CEP192: variants seen among roughly 807,000 people sequenced by gnomAD.
CEP192 encodes the protein centrosomal protein of 192 kDa.
CEP192 carries 151 observed loss-of-function variants against 271.8 expected under a neutral mutation model. The observed-to-expected ratio is 0.56, with a 90% CI of 0.49 to 0.64. The LOEUF (loss-of-function observed/expected upper bound fraction) is 0.64, where lower values mean the gene tolerates loss of function less well. Among genes scored for constraint, CEP192 ranks in the 30% least tolerant of loss-of-function variants. CEP192 has a pLI of 0.00. For synonymous variants in CEP192, 995 were observed against 1,076.5 expected (o/e 0.92, Z 1.48); for missense variants, 2,910 against 3,020.5 (o/e 0.96, Z 0.86).
At chr18:13,059,448 T>C in intron 21 of CEP192, 136 bp downstream of exon 21, 1 of 639,786 alleles carries the variant, frequency 1.6e-6, no homozygotes, top group African/African-American at 1.8e-5. Context: ...ACTTTGGTTC[T>C]TAATATCTTT....
intron 36 of CEP192, among the ~76,000 whole-genome samples, chr18:13,098,446 T>G (rs375264457): frequency 5.4e-5 from 7 of 130,274 alleles, no homozygotes; most frequent in East Asian, 2.9e-4. Context: ...GGGCGGAGGG[T>G]CTCCTCACTT....
chr18:13,043,543 G>A (rs1039241434), intron 15 of CEP192, among the ~76,000 whole-genome samples: 5 of 152,198 alleles, frequency 3.3e-5, no homozygotes, highest in African/African-American at 1.2e-4. Flanking sequence ...ATCTGGAAGA[G>A]TAAATCCTCT....
intron 41 of CEP192, among the ~76,000 whole-genome samples, chr18:13,113,919 C>T (rs908354544): frequency 6.6e-6 from 1 of 152,104 alleles, no homozygotes; most frequent in Admixed American, 6.5e-5. Context: ...ATATAAGAAA[C>T]TCTGTGCGTG....
chr18:13,093,664 C>T (rs2039255070), intron 34 of CEP192, among the ~76,000 whole-genome samples: 1 of 152,228 alleles, frequency 6.6e-6, no homozygotes, highest in African/African-American at 2.4e-5. Flanking sequence ...TCATGTGCTA[C>T]ATGGCTTACC....
chr18:13,015,237 T>G, intron 5 of CEP192, 91 bp from the exon 6 acceptor site: 92 of 1,181,508 alleles, frequency 7.8e-5, no homozygotes, highest in Middle Eastern at 2.8e-4. Flanking sequence ...CAGTGGAGGT[T>G]GAGAACATAT....
intron 43 of CEP192, 145 bp downstream of exon 43, chr18:13,116,648 C>T (rs1436725967): frequency 5.5e-6 from 4 of 725,488 alleles, no homozygotes; most frequent in African/African-American, 1.9e-5. Flanking sequence ...GTCTCGCTGT[C>T]GCCCAGGCTG....
Position 13,087,604 on chromosome 18 carries a change from A to T in CEP192, c.5951A>T (p.Tyr1984Phe). 6.3e-7 allele frequency: 1 copy of T among 1,581,392 alleles called. No individual in the cohort carries two copies. The highest frequency in any genetic ancestry group is 8.6e-7 in the Non-Finnish European group (1 of 1,162,684). The change falls in exon 32 of 45, where the codon TAC (tyrosine) becomes TTC (phenylalanine). Residue 1984 changes from tyrosine to phenylalanine, a missense_variant. Tyr to Phe is a conservative substitution (Grantham distance 22, BLOSUM62 3). Transcript: ENST00000506447. ...ACTGCAACAGAACTATCAACTGTATACTTATTTGGTGGAGATGAAATTTCA... is the reference window on the plus strand; with the variant it reads ...ACTGCAACAGAACTATCAACTGTATTCTTATTTGGTGGAGATGAAATTTCA... Reference protein sequence around the residue: ...NKTATELSTVYLFGGDEISRQ... With the variant: ...NKTATELSTVFLFGGDEISRQ...
chr18:13,101,169 A>G (rs554854), intron 38 of CEP192, among the ~76,000 whole-genome samples: 103,909 of 152,082 alleles, frequency 0.68, 36,218 homozygotes, highest in African/African-American at 0.82. Flanking sequence ...AGTCAGCCGC[A>G]ATCACAAGGG....
At chr18:12,994,066 ATACT>A (rs2033058686) in intron 1 of CEP192, among the ~76,000 whole-genome samples, 1 of 152,232 alleles carries the variant, frequency 6.6e-6, no homozygotes, top group Non-Finnish European at 1.5e-5. Context: ...CGTTTCACAG[ATACT>A]TACTGAGTAC....
intron 38 of CEP192, among the ~76,000 whole-genome samples, chr18:13,101,109 C>T (rs1358744426): frequency 1.3e-5 from 2 of 152,350 alleles, no homozygotes; most frequent in African/African-American, 4.8e-5. Context: ...ACACAGGGTG[C>T]TGCACCCTCT....
chr18:13,048,660 GAAAAGGC>G lies in CEP192; in HGVS notation c.2068-197_2068-191del, dbSNP rs560759899. The stretch of plus-strand genomic sequence containing the variant: ...GAGTGATAAGTGCTTAGTTAAGATG[GAAAAGGC>G]ACTACATTTGTGGGTGGGGAAGATA... On this transcript the variant is annotated intron_variant, in intron 15 of 44. Coordinates refer to ENST00000506447, the MANE Select transcript of CEP192 (RefSeq NM_032142.4). Among the ~76,000 whole-genome samples the G allele has an allele frequency of 3.9e-5, 6 of 152,256 alleles. No individual in the cohort carries two copies. In the South Asian group the frequency reaches 1.0e-3, roughly 26 times the overall value.
At chr18:13,073,863 C>T (rs1304967993) in intron 30 of CEP192, among the ~76,000 whole-genome samples, 5 of 152,154 alleles carry the variant, frequency 3.3e-5, no homozygotes, top group East Asian at 3.8e-4. Flanking sequence ...TGTGAATTTG[C>T]GGGGGGACAT....
chr18:13,074,767 A>G (rs2038184654), intron 30 of CEP192, among the ~76,000 whole-genome samples: 1 of 152,220 alleles, frequency 6.6e-6, no homozygotes, highest in East Asian at 1.9e-4. Flanking sequence ...CTTTGTAAAG[A>G]TAAAGTAGCC....
At chr18:13,072,881 G>A (rs568340889) in intron 29 of CEP192, 36 bp downstream of exon 29, 1 of 1,556,250 alleles carries the variant, frequency 6.4e-7, no homozygotes, top group African/African-American at 1.4e-5. Context: ...TATGTCTTCT[G>A]TCTGGGTCTG....
rs1039000689 is a variant in CEP192 at position 13,055,833 on chromosome 18, A to G, written c.3243A>G (p.Ala1081=). The change falls in exon 19 of 45, where the codon GCA becomes GCG. Residue 1081 remains alanine, a synonymous_variant. Transcript: ENST00000506447. The part of the protein sequence containing the change: ...STTIIQGSPA[A]LEERAMEKLR... The stretch of plus-strand genomic sequence containing the variant: ...CAATTATTCAAGGCAGTCCAGCCGC[A>G]TTGGAGGAACGGGCTATGGAAAAAT... 1.9e-6 allele frequency: 3 copies of G among 1,610,310 alleles called. No individual in the cohort carries two copies. The highest frequency in any genetic ancestry group is 1.3e-5 in the African/African-American group (1 of 74,664).
intron 12 of CEP192, 56 bp from the exon 13 acceptor site, chr18:13,038,314 A>G (rs1010141144): frequency 2.2e-5 from 31 of 1,394,780 alleles, no homozygotes; most frequent in Non-Finnish European, 3.0e-5. Context: ...GTATATTAGA[A>G]CAACAGAAAA....
At chr18:13,018,968 A>G in intron 8 of CEP192, 114 bp from the exon 9 acceptor site, 1 of 986,088 alleles carries the variant, frequency 1.0e-6, no homozygotes, top group Non-Finnish European at 1.4e-6. Context: ...AATTTGTCAT[A>G]GGAGTGCTAA....
intron 15 of CEP192, among the ~76,000 whole-genome samples, chr18:13,046,088 C>T (rs1350418049): frequency 6.6e-6 from 1 of 152,090 alleles, no homozygotes; most frequent in African/African-American, 2.4e-5. Flanking sequence ...GTTCTGCAGG[C>T]TGTATAGGAA....
At chr18:13,073,863 C>CG (rs941024802) in intron 30 of CEP192, among the ~76,000 whole-genome samples, 1 of 152,154 alleles carries the variant, frequency 6.6e-6, no homozygotes, top group Non-Finnish European at 1.5e-5. Flanking sequence ...TGTGAATTTG[C>CG]GGGGGGACAT....
Sources: allele counts gnomAD v4.1 joint callset (sites outside exome capture counted in the v4.1 genomes callset), GRCh38; gene constraint gnomAD v4.1.1; transcripts MANE v1.5; gene names NCBI Gene and HGNC (gene_info 2026-07-23, HGNC 2026-07-21).